The following MMP26 variants were observed in gnomAD, a reference collection of about 807,000 sequenced individuals.
The protein encoded by MMP26 is matrix metalloproteinase-26.
MMP26 carries 33 observed loss-of-function variants against 31.0 expected under a neutral mutation model. The ratio of observed to expected loss-of-function variants is 1.06; its 90% CI spans 0.81 to 1.42. The LOEUF (loss-of-function observed/expected upper bound fraction) is 1.42, where lower values mean the gene tolerates loss of function less well. Among genes scored for constraint, MMP26 ranks in the 40% most tolerant of loss-of-function variants. The pLI is 0.00. For missense variants in MMP26, 347 were observed against 316.1 expected (o/e 1.10, Z -0.74); for synonymous variants, 122 against 114.9 (o/e 1.06, Z -0.40).
In MMP26 at chr11:4,992,236, A is replaced by G. The variant is rs16908114; in HGVS notation, c.780A>G (p.Ile260Met). The change falls in exon 8 of 8, where the codon ATA (isoleucine) becomes ATG (methionine). Residue 260 changes from isoleucine (I) to methionine (M), a missense_variant. Ile to Met is a conservative substitution (Grantham distance 10). Coordinates refer to ENST00000380390, the MANE Select transcript of MMP26 (RefSeq NM_021801.5). ...HLYGEKCSSD[I>M]P is the part of the protein sequence containing the mutation. ...TAGGAGAAAAATGTTCATCTGACAT[A>G]CCTTAATGTTAGCACAGAGGACTTA... 3.3e-3 allele frequency: 5,343 copies of G among 1,610,454 alleles called. 167 individuals carry two copies. In the African/African-American group the frequency reaches 0.063, roughly 19 times the overall value.
Position 4,990,893 on chromosome 11 carries a change from A to G in MMP26, c.469+147A>G, listed in dbSNP as rs1846990093. ...ACCCTACTGCAAAGCAAATCCTGTAATAGGGAAGACATTTTTAGTAAAATG... is the reference window on the plus strand; with the variant it reads ...ACCCTACTGCAAAGCAAATCCTGTAGTAGGGAAGACATTTTTAGTAAAATG... On this transcript the variant is annotated intron_variant, in intron 5 of 7. Transcript: ENST00000380390. The G allele has an allele frequency of 4.0e-6, 3 of 747,850 alleles. No individual in the cohort carries two copies. In the South Asian group the frequency reaches 7.5e-5, roughly 19 times the overall value. The allele number at this position is 747,850 out of a possible 1,614,324, so 46.3% of individuals were successfully genotyped here.
At chr11:4,750,771 G>T (rs935453014) in intron 1 of MMP26, among the ~76,000 whole-genome samples, 2 of 151,942 alleles carry the variant, frequency 1.3e-5, no homozygotes, top group African/African-American at 2.4e-5. Context: ...AACTGGGAAG[G>T]GTAGGAGGGT....
intron 2 of MMP26, among the ~76,000 whole-genome samples, chr11:4,873,511 TA>T (rs1470672977): frequency 1.3e-5 from 2 of 152,194 alleles, no homozygotes; most frequent in African/African-American, 4.8e-5. Flanking sequence ...AATGTTGCAA[TA>T]AACTGCCTGA....
chr11:4,914,833 G>A (rs1243026636), intron 2 of MMP26: 1 of 1,613,876 alleles, frequency 6.2e-7, no homozygotes, highest in Non-Finnish European at 8.5e-7. Context: ...TGACCACCTG[G>A]ACCAGGTGGG....
At position 4,784,906 on chromosome 11, in the gene MMP26, A is replaced by G. The variant is rs183386411; in HGVS notation, c.-145+17565A>G. 5.3e-5 allele frequency among the ~76,000 whole-genome samples: 8 copies of G among 152,358 alleles called. No homozygotes were observed. In the South Asian group the frequency reaches 1.4e-3, roughly 28 times the overall value. ...CATAGTATAATGATCAAATTGGGCT[A>G]TTGTAAATGTGTTGCATATTTCAAG... On this transcript the variant is annotated intron_variant, in intron 2 of 7. Transcript: ENST00000380390.
At chr11:4,991,545 G>T in intron 6 of MMP26, 49 bp downstream of exon 6, 1 of 1,599,912 alleles carries the variant, frequency 6.3e-7, no homozygotes, top group South Asian at 1.1e-5. Flanking sequence ...GGAACCTGGG[G>T]TTCAGTGTTG....
In MMP26 at chr11:4,953,077, G is replaced by A. The variant is rs1410891253; in HGVS notation, c.-144-34991G>A. Among the ~76,000 whole-genome samples, 29 of 124,572 alleles carry A rather than the reference G, an allele frequency of 2.3e-4. 4 individuals carry two copies. Among genetic ancestry groups the A allele is most frequent in the African/African-American group, 7.7e-4 (28 of 36,594 alleles). The allele number at this position is 124,572 out of a possible 152,430, so 81.7% of individuals were successfully genotyped here. ...TGAGGTCATAGTGGGAAGGAAAGTT[G>A]GACTATTTTTCAGCCACAAATCTAA... On this transcript the variant is annotated intron_variant, in intron 2 of 7. Coordinates refer to ENST00000380390, the MANE Select transcript of MMP26 (RefSeq NM_021801.5).
chr11:4,937,193 G>C (rs1490192915), intron 2 of MMP26, among the ~76,000 whole-genome samples: 1 of 152,144 alleles, frequency 6.6e-6, no homozygotes, highest in East Asian at 1.9e-4. Context: ...AGGGGCATAA[G>C]GGCACTTAGG....
intron 2 of MMP26, among the ~76,000 whole-genome samples, chr11:4,878,420 G>GA (rs1052645123): frequency 6.6e-6 from 1 of 152,088 alleles, no homozygotes; most frequent in South Asian, 2.1e-4. Flanking sequence ...GTTGGAATCA[G>GA]AAAAAATATT....
intron 3 of MMP26, among the ~76,000 whole-genome samples, chr11:4,989,240 C>A (rs1056842468): frequency 3.3e-5 from 5 of 152,098 alleles, no homozygotes; most frequent in African/African-American, 1.2e-4. Context: ...ATGGGGAATG[C>A]AGAACCAGCC....
At chr11:4,924,332 A>G in intron 2 of MMP26, 2 of 1,604,084 alleles carry the variant, frequency 1.2e-6, no homozygotes, top group Non-Finnish European at 1.7e-6. Context: ...ATTAAGAAGA[A>G]TTGTCATAGC....
chr11:4,925,577 G>A (rs1046390647), intron 2 of MMP26, among the ~76,000 whole-genome samples: 2 of 152,022 alleles, frequency 1.3e-5, no homozygotes, highest in African/African-American at 4.8e-5. Context: ...ATGCACCGTG[G>A]GTATGGAGAA....
At position 4,909,196 on chromosome 11, in the gene MMP26, G is replaced by A. The variant is rs550030669; in HGVS notation, c.-144-78872G>A. On this transcript the variant is annotated intron_variant, in intron 2 of 7. Transcript: ENST00000380390. ...TTAAAAATTGATTCCTGCAGGACAC[G>A]ACATTTGGTACCACAATAATTTTCA... 1.4e-4 allele frequency: 22 copies of A among 152,018 alleles called. No homozygotes were observed. In the South Asian group the frequency reaches 4.4e-3, roughly 30 times the overall value. 9.4% of individuals were successfully genotyped at this position (152,018 alleles called of 1,614,324 possible). A position where few individuals can be genotyped will look rare whatever the true frequency, so the allele number is the denominator to read the frequency against.
intron 2 of MMP26, among the ~76,000 whole-genome samples, chr11:4,802,886 T>C (rs11600780): frequency 0.21 from 32,510 of 152,142 alleles, 4,076 homozygotes; most frequent in African/African-American, 0.34. Flanking sequence ...TGGCACCTGA[T>C]ATTCAACAGA....
In MMP26 at chr11:4,977,568, T is replaced by C. The variant is rs555004351; in HGVS notation, c.-144-10500T>C. ...ACTAGAGGAATGAGTGCTTCAGTTC[T>C]GGCAGAATAAGAACATCCAGGAGAT... On this transcript the variant is annotated intron_variant, in intron 2 of 7. Transcript: ENST00000380390. Among the ~76,000 whole-genome samples, 199 of 152,254 alleles carry C rather than the reference T, an allele frequency of 1.3e-3. 2 individuals are homozygous for C. The highest frequency in any genetic ancestry group is 0.012 in the South Asian group (57 of 4,822).
At chr11:4,902,857 A>G (rs1029888206) in intron 2 of MMP26, among the ~76,000 whole-genome samples, 1 of 152,164 alleles carries the variant, frequency 6.6e-6, no homozygotes, top group East Asian at 1.9e-4. Flanking sequence ...TTAAATTTCT[A>G]TTCATTTCTT....
At chr11:4,767,856 C>T (rs1848652250) in intron 2 of MMP26, among the ~76,000 whole-genome samples, 1 of 152,148 alleles carries the variant, frequency 6.6e-6, no homozygotes, top group Admixed American at 6.5e-5. Context: ...AGGTTTCCAT[C>T]TCCATTTCCC....
chr11:4,804,122 T>C, intron 2 of MMP26: 1 of 1,614,032 alleles, frequency 6.2e-7, no homozygotes, highest in African/African-American at 1.3e-5. Flanking sequence ...AACCAGAATA[T>C]GGCCAACATC....
intron 1 of MMP26, among the ~76,000 whole-genome samples, chr11:4,735,786 A>G (rs180706127): frequency 1.0e-5 from 1 of 100,228 alleles, no homozygotes; most frequent in Non-Finnish European, 2.1e-5. Flanking sequence ...CAAAAAGTAA[A>G]AAACACTTAA....
Sources: gnomAD v4.1 joint callset for allele counts (sites outside exome capture counted in the v4.1 genomes callset) on GRCh38, gnomAD v4.1.1 for gene constraint, MANE v1.5 for transcripts, NCBI Gene and HGNC (gene_info 2026-07-23, HGNC 2026-07-21) for gene names.